TENM2: variants seen among roughly 807,000 people sequenced by gnomAD.
The protein encoded by TENM2 is teneurin transmembrane protein 2, also known as teneurin-2.
Under a neutral mutation model 245.2 loss-of-function variants are expected in TENM2, and 52 were observed. The ratio of observed to expected loss-of-function variants is 0.21; its 90% confidence interval spans 0.17 to 0.27. TENM2 has a LOEUF of 0.27. Among genes scored for constraint, TENM2 ranks in the 10% least tolerant of loss-of-function variants. The pLI is 1.00. For missense variants in TENM2, 3,046 were observed against 3,666.8 expected, an observed-to-expected ratio of 0.83 and a Z score of 4.37; for synonymous variants, 1,363 against 1,438.9, an observed-to-expected ratio of 0.95 and a Z score of 1.19.
At chr5:166,984,041 T>C in the TENM2 span, among the ~76,000 whole-genome samples, 2 of 152,124 alleles carry the variant, frequency 1.3e-5, no homozygotes, top group Non-Finnish European at 2.9e-5. Context: ...GTTGACTAAA[T>C]TATTTAGCTG....
intron 12 of TENM2, among the ~76,000 whole-genome samples, chr5:168,127,781 AT>A (rs1242535618): frequency 6.6e-6 from 1 of 152,136 alleles, no homozygotes; most frequent in Non-Finnish European, 1.5e-5. Context: ...TACTTTTGTT[AT>A]TTAATTAGAT....
intron 1 of TENM2, among the ~76,000 whole-genome samples, chr5:167,366,086 AT>A (rs896203499): frequency 2.4e-5 from 2 of 82,260 alleles, no homozygotes; most frequent in African/African-American, 9.5e-5. Context: ...GAAAAACAGA[AT>A]TTTTTTTCTT....
chr5:166,989,512 C>T, the TENM2 span, among the ~76,000 whole-genome samples: 1 of 151,856 alleles, frequency 6.6e-6, no homozygotes, highest in East Asian at 1.9e-4. Flanking sequence ...TCCCAAAGTG[C>T]TGCAATTACA....
chr5:168,080,659 T>G (rs1021169461), intron 7 of TENM2, among the ~76,000 whole-genome samples: 3 of 152,230 alleles, frequency 2.0e-5, no homozygotes, highest in Non-Finnish European at 4.4e-5. Flanking sequence ...TCAAAGAACA[T>G]CTTTATTTCT....
chr5:167,768,515 A>G (rs1763189761), intron 2 of TENM2, among the ~76,000 whole-genome samples: 1 of 152,202 alleles, frequency 6.6e-6, no homozygotes, highest in South Asian at 2.1e-4. Flanking sequence ...CAAAGCCCTT[A>G]GAAGCTTTAT....
intron 2 of TENM2, among the ~76,000 whole-genome samples, chr5:167,695,820 G>A (rs1192393286): frequency 5.9e-5 from 9 of 151,634 alleles, no homozygotes. Context: ...GGATCACGAG[G>A]TCAGGAGATC....
the TENM2 span, among the ~76,000 whole-genome samples, chr5:167,046,346 T>A: frequency 6.6e-6 from 1 of 152,170 alleles, no homozygotes; most frequent in Non-Finnish European, 1.5e-5. Context: ...CCATTAAAGA[T>A]CTACTTGCTT....
At chr5:167,722,668 G>A (rs1759711950) in intron 2 of TENM2, among the ~76,000 whole-genome samples, 1 of 152,028 alleles carries the variant, frequency 6.6e-6, no homozygotes, top group African/African-American at 2.4e-5. Context: ...CAGCTACTAG[G>A]CAGGCAGCTG....
rs75256356 is a variant in TENM2, at chr5:167,733,113, C to T, written c.503-142873C>T. Among the ~76,000 whole-genome samples, 981 of 152,220 alleles carry T rather than the reference C, an allele frequency of 6.4e-3. 9 individuals carry two copies. The highest frequency in any genetic ancestry group is 0.023 in the African/African-American group (937 of 41,532). On this transcript the variant is annotated intron_variant, in intron 2 of 28. Transcript: ENST00000518659. ...CTCAATAGGATTCCTCAGCTTGACT[C>T]GCTGGTGTCAAAGAGAAAGGCATAT... is the stretch of plus-strand genomic sequence containing the variant.
At chr5:168,246,729 A>G (rs372302329) in intron 26 of TENM2, 28 bp from the exon 29 acceptor site, 5 of 1,603,708 alleles carry the variant, frequency 3.1e-6, no homozygotes, top group Non-Finnish European at 3.4e-6. Flanking sequence ...GCCAACTGAT[A>G]TGTTCTGTTC....
the TENM2 span, among the ~76,000 whole-genome samples, chr5:167,093,870 A>G: frequency 2.0e-5 from 3 of 152,224 alleles, no homozygotes; most frequent in Non-Finnish European, 2.9e-5. Flanking sequence ...ACTAACCCAT[A>G]GCCATCAAAA....
intron 1 of TENM2, among the ~76,000 whole-genome samples, chr5:167,364,474 A>G (rs893698460): frequency 6.6e-6 from 1 of 152,180 alleles, no homozygotes; most frequent in Non-Finnish European, 1.5e-5. Context: ...TACATTAAAT[A>G]TAAATTGACT....
At chr5:167,606,371 G>T (rs1017292010) in intron 2 of TENM2, among the ~76,000 whole-genome samples, 4 of 152,030 alleles carry the variant, frequency 2.6e-5, no homozygotes, top group Admixed American at 6.6e-5. Flanking sequence ...GAAGCTGGGG[G>T]AGAAGGGGAC....
At chr5:167,733,459 A>T (rs1381703867) in intron 2 of TENM2, among the ~76,000 whole-genome samples, 1 of 152,172 alleles carries the variant, frequency 6.6e-6, no homozygotes, top group Non-Finnish European at 1.5e-5. Context: ...ACTGGCTCCC[A>T]TGATCCCATA....
chr5:166,979,858 C>T, the TENM2 span, among the ~76,000 whole-genome samples: 2 of 152,086 alleles, frequency 1.3e-5, no homozygotes, highest in Non-Finnish European at 2.9e-5. Flanking sequence ...CTCTAATGTT[C>T]ATCGCAATTA....
At chr5:167,466,966 G>A (rs1180902662) in intron 2 of TENM2, among the ~76,000 whole-genome samples, 1 of 152,164 alleles carries the variant, frequency 6.6e-6, no homozygotes, top group African/African-American at 2.4e-5. Flanking sequence ...AAGGCATGCA[G>A]CATACAACGA....
At chr5:167,437,626 C>G (rs1053221877) in intron 2 of TENM2, among the ~76,000 whole-genome samples, 1 of 152,070 alleles carries the variant, frequency 6.6e-6, no homozygotes, top group Non-Finnish European at 1.5e-5. Flanking sequence ...CCACCCAAAT[C>G]TCATATGGAA....
chr5:167,834,633 A>G (rs1195764869), intron 2 of TENM2, among the ~76,000 whole-genome samples: 1 of 149,614 alleles, frequency 6.7e-6, no homozygotes, highest in East Asian at 2.1e-4. Flanking sequence ...TTGTGTCTGT[A>G]CAATTTCTTT....
Position 167,308,270 on chromosome 5 carries a change from A to T in TENM2, c.226+23207A>T, listed in dbSNP as rs76904045. 5.9e-3 allele frequency among the ~76,000 whole-genome samples: 899 copies of T among 152,316 alleles called. 10 individuals carry two copies. The highest frequency in any genetic ancestry group is 0.021 in the African/African-American group (862 of 41,580). On this transcript the variant is annotated intron_variant, in intron 1 of 28. Coordinates refer to ENST00000518659, the Ensembl canonical transcript of TENM2. Reference sequence around the variant, plus strand: ...AGCCTAATCCTGATCACGGTGAGCCATGCAACATGGGACAAGTCTCAGACA... The same window carrying T: ...AGCCTAATCCTGATCACGGTGAGCCTTGCAACATGGGACAAGTCTCAGACA...
Sources: allele counts gnomAD v4.1 joint callset (sites outside exome capture counted in the v4.1 genomes callset), GRCh38; gene constraint gnomAD v4.1.1; transcripts MANE v1.5; gene names NCBI Gene and HGNC (gene_info 2026-07-23, HGNC 2026-07-21).